HIVEP2: variants seen among roughly 807,000 people sequenced by gnomAD.
HIVEP2 encodes transcription factor HIVEP2.
A neutral mutation model predicts 180.7 loss-of-function variants in HIVEP2; 14 were observed. That is an observed-to-expected ratio of 0.08 (90% CI 0.05 to 0.12). The LOEUF (loss-of-function observed/expected upper bound fraction) is 0.12. Ranked by LOEUF, HIVEP2 falls within the 10% of genes least tolerant of loss-of-function variation. The pLI is 1.00. For missense variants in HIVEP2, 2,579 were observed against 3,008.5 expected (o/e 0.86, Z 3.34); for synonymous variants, 1,184 against 1,136.4 (o/e 1.04, Z -0.84).
chr6:142,811,183 A>ATG (rs35151863), intron 2 of HIVEP2, among the ~76,000 whole-genome samples: 74,576 of 148,610 alleles, frequency 0.5, 20,189 homozygotes, highest in South Asian at 0.62. Flanking sequence ...AGGCACGTGC[A>ATG]TGTGTGTGTG....
intron 1 of HIVEP2, among the ~76,000 whole-genome samples, chr6:142,880,840 G>C (rs571179761): frequency 1.1e-3 from 161 of 152,132 alleles, no homozygotes; most frequent in African/African-American, 3.3e-3. Flanking sequence ...CCCTCATCTC[G>C]ACAGAACAGT....
chr6:142,813,962 A>T (rs959007304), intron 2 of HIVEP2, among the ~76,000 whole-genome samples: 2 of 151,988 alleles, frequency 1.3e-5, no homozygotes, highest in Non-Finnish European at 2.9e-5. Context: ...TGCAAATATA[A>T]TGATGAATAA....
intron 1 of HIVEP2, among the ~76,000 whole-genome samples, chr6:142,852,800 G>T (rs1379102151): frequency 3.3e-5 from 5 of 151,430 alleles, no homozygotes; most frequent in Non-Finnish European, 7.4e-5. Flanking sequence ...GAGTAACAGG[G>T]GAAAAATACA....
In HIVEP2 at chr6:142,892,765, T is replaced by TC. The variant is rs568138853; in HGVS notation, c.-641+52333dup. On this transcript the variant is annotated intron_variant, in intron 1 of 9. Coordinates refer to ENST00000367603, the MANE Select transcript of HIVEP2 (RefSeq NM_006734.4). ...TGTAAAATGTGAAGACAGCAGGCAT[T>TC]CCCCCAAGGCTCTGTCCTTAGTGCA... Among the ~76,000 whole-genome samples the TC allele has an allele frequency of 1.5e-3, 231 of 152,254 alleles. 2 individuals are homozygous for TC. The highest frequency in any genetic ancestry group is 2.6e-3 in the Non-Finnish European group (178 of 68,004).
At chr6:142,792,611 C>A (rs939317750) in intron 2 of HIVEP2, among the ~76,000 whole-genome samples, 2 of 151,932 alleles carry the variant, frequency 1.3e-5, no homozygotes. Context: ...CCTAAGCATG[C>A]GGGGCTTAAA....
At chr6:142,779,519 C>G (rs187080595) in intron 3 of HIVEP2, 1 of 152,074 alleles carries the variant, frequency 6.6e-6, no homozygotes, top group East Asian at 1.9e-4. Flanking sequence ...GCTCAGGAGG[C>G]TGAGGTGGGA....
In HIVEP2 at chr6:142,760,465, A is replaced by G. The variant is rs1390987495; in HGVS notation, c.5823T>C (p.Pro1941=). 1.2e-5 allele frequency: 20 copies of G among 1,614,148 alleles called. No individual in the cohort carries two copies. Among genetic ancestry groups the G allele is most frequent in the Non-Finnish European group, 1.6e-5 (19 of 1,180,002 alleles). Residue 1941 remains proline (P), a synonymous_variant, in exon 9 of 10, where the codon CCT becomes CCC. Coordinates refer to ENST00000367603, the MANE Select transcript of HIVEP2 (RefSeq NM_006734.4). ...TRSRSTSPQP[P]RFSSLPVNVG... is the part of the protein sequence containing the mutation. ...CATTCACAGGCAAGGAGGAGAATCTAGGAGGCTGAGGACTGGTGCTTCTTG... is the reference window on the plus strand; with the variant it reads ...CATTCACAGGCAAGGAGGAGAATCTGGGAGGCTGAGGACTGGTGCTTCTTG...
chr6:142,775,093 G>A lies in HIVEP2; in HGVS notation c.-355C>T. The A allele has an allele frequency of 9.9e-7, 1 of 1,012,046 alleles. No individual in the cohort carries two copies. Among genetic ancestry groups the A allele is most frequent in the Non-Finnish European group, 1.2e-6 (1 of 847,608 alleles). The allele number at this position is 1,012,046 out of a possible 1,614,324, so 62.7% of individuals were successfully genotyped here. A position where few individuals can be genotyped will look rare whatever the true frequency, so the allele number is the denominator to read the frequency against. ...AATTTTGCCCATCAACTAGAGCAAA[G>A]TTCAATTGCCAGTTTCACTAAGATA... On this transcript the variant is annotated 5_prime_UTR_variant, in exon 5 of 10. Coordinates refer to ENST00000367603, the MANE Select transcript of HIVEP2 (RefSeq NM_006734.4).
chr6:142,862,894 T>A (rs1402453786), intron 1 of HIVEP2, among the ~76,000 whole-genome samples: 23 of 78,192 alleles, frequency 2.9e-4, no homozygotes, highest in Admixed American at 2.7e-3. Flanking sequence ...ATATTGCATA[T>A]AATAGATTAT....
At chr6:142,865,079 T>C (rs1054417087) in intron 1 of HIVEP2, among the ~76,000 whole-genome samples, 3 of 152,212 alleles carry the variant, frequency 2.0e-5, no homozygotes, top group African/African-American at 7.2e-5. Flanking sequence ...TTTGTTTTTG[T>C]TTTTGTTGTG....
In HIVEP2 at chr6:142,771,392, C is replaced by G; in HGVS notation, c.3347G>C (p.Arg1116Pro). Residue 1116 changes from arginine to proline, a missense_variant, in exon 5 of 10, where the codon CGG (arginine) becomes CCG (proline). Coordinates refer to ENST00000367603, the MANE Select transcript of HIVEP2 (RefSeq NM_006734.4). The surrounding 1 kb of genome is among the most constrained non-coding windows in gnomAD (Gnocchi z 5.4). Reference protein sequence around the residue: ...EQLEHLHAGLRSGWHHGPPAV... With the variant: ...EQLEHLHAGLPSGWHHGPPAV... ...AGGCGGGCCATGGTGCCACCCGGAC[C>G]GGAGGCCAGCATGCAGGTGCTCCAG... 2 of 1,613,132 alleles carry G rather than the reference C, an allele frequency of 1.2e-6. No homozygotes were observed. Among genetic ancestry groups the G allele is most frequent in the Non-Finnish European group, 1.7e-6 (2 of 1,179,962 alleles).
At chr6:142,823,113 T>C (rs947913832) in intron 2 of HIVEP2, among the ~76,000 whole-genome samples, 11 of 152,126 alleles carry the variant, frequency 7.2e-5, no homozygotes, top group African/African-American at 2.7e-4. Context: ...CCCCCTAGCG[T>C]CCTCAGGAAG....
chr6:142,827,350 T>C (rs895299670), intron 2 of HIVEP2, among the ~76,000 whole-genome samples: 1 of 152,214 alleles, frequency 6.6e-6, no homozygotes, highest in Non-Finnish European at 1.5e-5. Context: ...TCCTAAAGTT[T>C]CAATTATTAA....
chr6:142,879,460 A>C (rs186947289), intron 1 of HIVEP2, among the ~76,000 whole-genome samples: 1 of 151,820 alleles, frequency 6.6e-6, no homozygotes, highest in East Asian at 1.9e-4. Flanking sequence ...GTTATAATAA[A>C]CTCCATCCTC....
chr6:142,793,662 TCTTTCTTTCTTTCTCTCTC>T (rs1776204720), intron 2 of HIVEP2, among the ~76,000 whole-genome samples: 1 of 121,132 alleles, frequency 8.3e-6, no homozygotes, highest in Admixed American at 9.7e-5. Context: ...CTTTCTTTTT[TCTTTCTTTCTTTCTCTCTC>T]TCTCTCTCTC....
intron 3 of HIVEP2, among the ~76,000 whole-genome samples, chr6:142,779,023 T>A (rs906204053): frequency 2.6e-5 from 4 of 152,220 alleles, no homozygotes. Context: ...ATATTAAGTA[T>A]TAATGAGAAC....
At chr6:142,882,968 A>T (rs1776609371) in intron 1 of HIVEP2, among the ~76,000 whole-genome samples, 1 of 152,138 alleles carries the variant, frequency 6.6e-6, no homozygotes, top group African/African-American at 2.4e-5. Context: ...CCCATACTAC[A>T]TTCAAATAGT....
chr6:142,939,649 G>GA (rs1408608953), intron 1 of HIVEP2, among the ~76,000 whole-genome samples: 1 of 152,114 alleles, frequency 6.6e-6, no homozygotes, highest in African/African-American at 2.4e-5. Context: ...TTTCCAGTTG[G>GA]AAAAAATCCT....
At chr6:142,802,531 A>G (rs1268965812) in intron 2 of HIVEP2, among the ~76,000 whole-genome samples, 1 of 152,198 alleles carries the variant, frequency 6.6e-6, no homozygotes, top group Admixed American at 6.5e-5. Context: ...TAAAGGAAAA[A>G]AAAAAAGAAA....
Sources: gnomAD v4.1 joint callset for allele counts (sites outside exome capture counted in the v4.1 genomes callset) on GRCh38, gnomAD v4.1.1 for gene constraint, Gnocchi (gnomAD v3.1) non-coding constraint, MANE v1.5 for transcripts, NCBI Gene and HGNC (gene_info 2026-07-23, HGNC 2026-07-21) for gene names.